Variants in MYO16 observed in about 807,000 individuals in gnomAD.
The protein encoded by MYO16 is myosin XVI.
Under a neutral mutation model 205.3 loss-of-function variants are expected in MYO16, and 94 were observed. The ratio of observed to expected loss-of-function variants is 0.46; its 90% CI spans 0.39 to 0.54. MYO16 has a LOEUF of 0.54. MYO16 is among the 20% of genes least tolerant of loss of function. The pLI, the probability that MYO16 is intolerant of heterozygous loss-of-function variation, is 0.00. For missense variants in MYO16, 2,315 were observed against 2,387.5 expected (o/e 0.97, Z 0.63); for synonymous variants, 988 against 954.0 (o/e 1.04, Z -0.66).
chr13:108,861,245 A>G (rs1227958877), intron 11 of MYO16, among the ~76,000 whole-genome samples: 1 of 152,154 alleles, frequency 6.6e-6, no homozygotes, highest in African/African-American at 2.4e-5. Flanking sequence ...TTACAGCTAT[A>G]GATTGGTTTT....
chr13:109,080,395 T>C (rs1311511479), intron 27 of MYO16, among the ~76,000 whole-genome samples: 1 of 152,160 alleles, frequency 6.6e-6, no homozygotes, highest in Non-Finnish European at 1.5e-5. Flanking sequence ...CTATATTTGT[T>C]TGAATGTGCA....
intron 27 of MYO16, among the ~76,000 whole-genome samples, chr13:109,098,849 G>C (rs1054237381): frequency 6.6e-6 from 1 of 152,144 alleles, no homozygotes; most frequent in Non-Finnish European, 1.5e-5. Context: ...TCCAGAAACG[G>C]TTCATTGTTG....
chr13:109,116,909 G>A (rs540749346), intron 28 of MYO16, among the ~76,000 whole-genome samples: 1 of 152,262 alleles, frequency 6.6e-6, no homozygotes, highest in South Asian at 2.1e-4. Flanking sequence ...CCAGTCCCCT[G>A]GTGGGTTTTT....
chr13:108,796,061 G>A (rs1035480889), intron 6 of MYO16, among the ~76,000 whole-genome samples: 1 of 152,200 alleles, frequency 6.6e-6, no homozygotes, highest in Admixed American at 6.5e-5. Context: ...AGCCCATATG[G>A]CTGAAGCAGT....
chr13:109,023,408 T>TTC (rs1886188163), intron 23 of MYO16, among the ~76,000 whole-genome samples: 1 of 84,678 alleles, frequency 1.2e-5, no homozygotes, highest in Non-Finnish European at 2.0e-5. Context: ...TATTTATATA[T>TTC]TATACAGATA....
At chr13:109,199,876 G>A (rs1880333774) in intron 34 of MYO16, among the ~76,000 whole-genome samples, 1 of 152,142 alleles carries the variant, frequency 6.6e-6, no homozygotes, top group Admixed American at 6.6e-5. Flanking sequence ...TTAAAGAATG[G>A]ATAAACACTG....
intron 3 of MYO16, among the ~76,000 whole-genome samples, chr13:108,718,352 G>A (rs1374373683): frequency 5.3e-5 from 8 of 152,078 alleles, no homozygotes; most frequent in African/African-American, 1.9e-4. Context: ...AAGAAAAAGA[G>A]CAAGAGCTAC....
chr13:109,140,277 C>A lies in MYO16; in HGVS notation c.4065C>A (p.Pro1355=), dbSNP rs1430038332. The A allele has an allele frequency of 1.2e-6, 2 of 1,600,050 alleles. No individual in the cohort carries two copies. The highest frequency in any genetic ancestry group is 1.7e-6 in the Non-Finnish European group (2 of 1,179,082). ...REAANEALAR[P]RPHSDDYSTM... ...TTCCTGCCGCAGCTCTGGCCCGGCC[C>A]AGACCGCACAGCGACGACTACAGCA... Residue 1355 remains proline (P), a synonymous_variant, in exon 32 of 35, where the codon CCC becomes CCA. Transcript: ENST00000457511. The surrounding 1 kb of genome is among the most constrained non-coding windows in gnomAD (Gnocchi z 8.0).
chr13:108,867,665 G>T (rs1383996134), intron 12 of MYO16, among the ~76,000 whole-genome samples: 1 of 152,164 alleles, frequency 6.6e-6, no homozygotes, highest in Non-Finnish European at 1.5e-5. Context: ...CTGTGAATAT[G>T]TGTATTGACG....
In MYO16 at chr13:108,888,443, C is replaced by T. The variant is rs766875419; in HGVS notation, c.1625C>T (p.Ala542Val). ...AGACACCTCACCTGCAGGGCTGGCG[C>T]CAGCAGGGCCACACTGGATTCCAGA... ...IIRHLTCRAG[A>V]SRATLDSRFK... The change falls in exon 14 of 35, where the codon GCC becomes GTC. Residue 542 changes from alanine (A) to valine (V), a missense_variant. Physicochemically the swap from Ala to Val is moderately conservative, Grantham distance 64. Around this residue, in one of 3 missense-constraint regions of MYO16, gnomAD observed 1,213 missense variants for 1,274.4 expected, o/e 0.95. Transcript: ENST00000457511. 8 of 1,610,480 alleles carry T rather than the reference C, an allele frequency of 5.0e-6. No homozygotes were observed. Among genetic ancestry groups the T allele is most frequent in the Non-Finnish European group, 6.8e-6 (8 of 1,178,810 alleles).
upstream of MYO16, among the ~76,000 whole-genome samples, chr13:108,593,576 A>G (rs117097583): frequency 0.015 from 2,337 of 152,322 alleles, 50 homozygotes; most frequent in South Asian, 0.086. Context: ...ACTATGGTTT[A>G]CATAGTGGTG....
intron 15 of MYO16, among the ~76,000 whole-genome samples, chr13:108,908,840 A>G (rs190532499): frequency 1.5e-3 from 234 of 151,902 alleles, no homozygotes; most frequent in African/African-American, 5.3e-3. Flanking sequence ...TGGTGTGGTG[A>G]CACACACCTG....
intron 23 of MYO16, among the ~76,000 whole-genome samples, chr13:109,026,433 G>T (rs1053393801): frequency 3.9e-5 from 6 of 152,082 alleles, no homozygotes; most frequent in Non-Finnish European, 7.4e-5. Context: ...AGTTGGAAGA[G>T]GCAGGAAGGA....
chr13:108,676,394 TG>T (rs1289549272), intron 2 of MYO16, among the ~76,000 whole-genome samples: 1 of 147,882 alleles, frequency 6.8e-6, no homozygotes, highest in African/African-American at 2.5e-5. Flanking sequence ...TGTGTGTGTG[TG>T]TGTGTGTGTG....
At chr13:108,946,841 A>G (rs186191527) in intron 16 of MYO16, among the ~76,000 whole-genome samples, 1 of 152,242 alleles carries the variant, frequency 6.6e-6, no homozygotes, top group Admixed American at 6.5e-5. Flanking sequence ...TCCTAAGCCC[A>G]AGTGATCCTC....
In MYO16 at chr13:108,938,898, G is replaced by GCA. The variant is rs758149200; in HGVS notation, c.1926-18783_1926-18782dup. ...GAGTAGGCTGGTGAACCCATCAATG[G>GCA]CACACACAGATCAGATCCAGGTCAC... On this transcript the variant is annotated intron_variant, in intron 16 of 34. Transcript: ENST00000457511. Among the ~76,000 whole-genome samples the GCA allele has an allele frequency of 5.3e-5, 8 of 152,306 alleles. No individual in the cohort carries two copies. In the East Asian group the frequency reaches 9.7e-4, roughly 18 times the overall value.
chr13:108,839,168 A>G (rs1231391118), intron 9 of MYO16, among the ~76,000 whole-genome samples: 1 of 152,012 alleles, frequency 6.6e-6, no homozygotes, highest in Non-Finnish European at 1.5e-5. Flanking sequence ...TCAGAGTGCT[A>G]GCTCATGCCT....
At chr13:108,661,586 C>A (rs1881503498) in intron 1 of MYO16, among the ~76,000 whole-genome samples, 1 of 152,072 alleles carries the variant, frequency 6.6e-6, no homozygotes. Flanking sequence ...CCGAGACTTT[C>A]CTGAGCATTT....
chr13:108,782,488 C>A (rs536790608), intron 4 of MYO16, among the ~76,000 whole-genome samples: 1 of 152,086 alleles, frequency 6.6e-6, no homozygotes, highest in Non-Finnish European at 1.5e-5. Context: ...TGCAGCCTGA[C>A]GATGTGGTAG....
Sources: allele counts gnomAD v4.1 joint callset (sites outside exome capture counted in the v4.1 genomes callset), GRCh38; gene constraint gnomAD v4.1.1; regional missense constraint gnomAD v4.1.1; non-coding constraint Gnocchi (gnomAD v3.1); transcripts MANE v1.5; gene names NCBI Gene and HGNC (gene_info 2026-07-23, HGNC 2026-07-21).